Variants in PCDH9 observed in about 807,000 individuals in gnomAD.
PCDH9 encodes the protein protocadherin-9.
A neutral mutation model predicts 70.6 loss-of-function variants in PCDH9; 24 were observed. That is an observed-to-expected ratio of 0.34 (90% CI 0.25 to 0.48). The LOEUF is 0.48. PCDH9 is among the 20% of genes least tolerant of loss of function. The pLI, the probability that PCDH9 is intolerant of heterozygous loss-of-function variation, is 0.99. For missense variants in PCDH9, 1,281 were observed against 1,503.6 expected (o/e 0.85, Z 2.45); for synonymous variants, 562 against 558.5 (o/e 1.01, Z -0.09).
intron 4 of PCDH9, among the ~76,000 whole-genome samples, chr13:66,491,578 T>G (rs1367657463): frequency 1.3e-5 from 2 of 152,180 alleles, no homozygotes; most frequent in African/African-American, 2.4e-5. Flanking sequence ...TTCGTATACT[T>G]TCCACAAAGT....
chr13:66,670,551 G>C (rs958238165), intron 3 of PCDH9, among the ~76,000 whole-genome samples: 4 of 152,084 alleles, frequency 2.6e-5, no homozygotes, highest in African/African-American at 9.7e-5. Context: ...GTTTTAAAAA[G>C]TATGTATATC....
intron 3 of PCDH9, among the ~76,000 whole-genome samples, chr13:66,844,572 G>A (rs536822969): frequency 6.2e-5 from 9 of 145,026 alleles, no homozygotes; most frequent in African/African-American, 2.0e-4. Context: ...GTGACAGGGC[G>A]AGACTCTGTC....
intron 3 of PCDH9, among the ~76,000 whole-genome samples, chr13:66,635,961 C>G (rs1337706427): frequency 6.6e-6 from 1 of 152,070 alleles, no homozygotes; most frequent in Non-Finnish European, 1.5e-5. Flanking sequence ...ATTGACAATA[C>G]TTACAGTTAT....
intron 4 of PCDH9, among the ~76,000 whole-genome samples, chr13:66,478,718 G>A (rs769345236): frequency 5.9e-5 from 9 of 152,264 alleles, no homozygotes; most frequent in South Asian, 4.1e-4. Flanking sequence ...GTGATAAGCC[G>A]CAAAAGAAAA....
At chr13:67,075,057 G>A (rs1348488976) in intron 2 of PCDH9, among the ~76,000 whole-genome samples, 1 of 150,462 alleles carries the variant, frequency 6.6e-6, no homozygotes, top group Non-Finnish European at 1.5e-5. Context: ...CAACCCCTTA[G>A]TACGTTAGTG....
At chr13:66,899,805 T>C (rs1482924079) in intron 3 of PCDH9, among the ~76,000 whole-genome samples, 1 of 152,046 alleles carries the variant, frequency 6.6e-6, no homozygotes, top group African/African-American at 2.4e-5. Context: ...TGTTTCTGTG[T>C]ACCCAATGAC....
At chr13:66,818,714 C>T (rs1438371384) in intron 3 of PCDH9, among the ~76,000 whole-genome samples, 4 of 152,002 alleles carry the variant, frequency 2.6e-5, no homozygotes, top group South Asian at 2.1e-4. Flanking sequence ...GGGCGGATCA[C>T]GAGGTCAGGA....
At chr13:66,402,433 T>C (rs899691048) in intron 4 of PCDH9, among the ~76,000 whole-genome samples, 4 of 151,992 alleles carry the variant, frequency 2.6e-5, no homozygotes, top group Non-Finnish European at 5.9e-5. Flanking sequence ...TCTATCTTAT[T>C]ATTATAATAA....
At chr13:67,049,509 T>C (rs1300023180) in intron 2 of PCDH9, among the ~76,000 whole-genome samples, 1 of 152,170 alleles carries the variant, frequency 6.6e-6, no homozygotes, top group African/African-American at 2.4e-5. Context: ...TCTCGCCTCA[T>C]TGTTGGTGGA....
chr13:67,094,256 T>C (rs2086276804), intron 2 of PCDH9, among the ~76,000 whole-genome samples: 1 of 152,196 alleles, frequency 6.6e-6, no homozygotes, highest in South Asian at 2.1e-4. Flanking sequence ...CTAATCATGC[T>C]GCTATCCATT....
intron 3 of PCDH9, among the ~76,000 whole-genome samples, chr13:66,742,029 T>A (rs10459390): frequency 9.3e-6 from 1 of 108,076 alleles, no homozygotes; most frequent in Non-Finnish European, 1.9e-5. Context: ...GAGCCCGCAT[T>A]GCCAAGTCAA....
intron 3 of PCDH9, among the ~76,000 whole-genome samples, chr13:66,679,164 A>T (rs1227167238): frequency 6.6e-6 from 1 of 151,708 alleles, no homozygotes; most frequent in East Asian, 1.9e-4. Context: ...ACTCTTGATC[A>T]TACTGTACAT....
chr13:67,127,368 G>C (rs759629461), intron 2 of PCDH9, among the ~76,000 whole-genome samples: 9 of 152,118 alleles, frequency 5.9e-5, no homozygotes, highest in Non-Finnish European at 1.3e-4. Flanking sequence ...TAATTACATT[G>C]CAGGGATGGG....
At chr13:67,122,035 T>G (rs1432462401) in intron 2 of PCDH9, among the ~76,000 whole-genome samples, 1 of 152,196 alleles carries the variant, frequency 6.6e-6, no homozygotes, top group Non-Finnish European at 1.5e-5. Flanking sequence ...TGAGATGTTT[T>G]CTTTGTTCTT....
At chr13:67,175,025 A>G (rs2088412671) in intron 2 of PCDH9, among the ~76,000 whole-genome samples, 1 of 151,034 alleles carries the variant, frequency 6.6e-6, no homozygotes, top group Admixed American at 6.6e-5. Context: ...AGTCCCAGCT[A>G]CTTGGGAGGC....
chr13:67,043,231 C>G (rs186209247), intron 2 of PCDH9, among the ~76,000 whole-genome samples: 109 of 152,282 alleles, frequency 7.2e-4, no homozygotes, highest in Admixed American at 2.9e-3. Flanking sequence ...CTGTTGGAAT[C>G]AGCTTGGAGA....
intron 4 of PCDH9, among the ~76,000 whole-genome samples, chr13:66,397,216 C>G (rs952912011): frequency 1.3e-5 from 2 of 152,012 alleles, no homozygotes; most frequent in East Asian, 3.9e-4. Flanking sequence ...ATTAGGAGCT[C>G]AAGACCAGCC....
At chr13:66,747,223 T>C (rs574449616) in intron 3 of PCDH9, among the ~76,000 whole-genome samples, 3 of 152,106 alleles carry the variant, frequency 2.0e-5, no homozygotes, top group Admixed American at 2.0e-4. Flanking sequence ...TGGTGGTGTG[T>C]GCCTGTAATC....
chr13:66,585,803 C>T (rs749920174), intron 4 of PCDH9, among the ~76,000 whole-genome samples: 2 of 151,932 alleles, frequency 1.3e-5, no homozygotes, highest in African/African-American at 2.4e-5. Context: ...GACTGTATTG[C>T]GGTGTGCAGA....
Sources: gnomAD v4.1 joint callset for allele counts (sites outside exome capture counted in the v4.1 genomes callset) on GRCh38, gnomAD v4.1.1 for gene constraint, MANE v1.5 for transcripts, NCBI Gene and HGNC (gene_info 2026-07-23, HGNC 2026-07-21) for gene names.